Variants in SVIL observed in about 807,000 individuals in gnomAD.
SVIL encodes the protein supervillin.
SVIL carries 101 observed loss-of-function variants against 240.4 expected under a neutral mutation model. The ratio of observed to expected loss-of-function variants is 0.42; its 90% confidence interval spans 0.36 to 0.50. The LOEUF (loss-of-function observed/expected upper bound fraction) is 0.50, where lower values mean the gene tolerates loss of function less well. Ranked by LOEUF, SVIL falls within the 20% of genes least tolerant of loss-of-function variation. The probability of loss-of-function intolerance (pLI) is 0.01; values close to 1 mark genes in which losing one functional copy is unlikely to be tolerated. For missense variants in SVIL, 2,512 were observed against 2,818.7 expected, an observed-to-expected ratio of 0.89 and a Z score of 2.46; for synonymous variants, 999 against 1,100.0, an observed-to-expected ratio of 0.91 and a Z score of 1.82.
chr10:29,692,564 G>A (rs192923199), intron 1 of SVIL, among the ~76,000 whole-genome samples: 24 of 151,278 alleles, frequency 1.6e-4, no homozygotes, highest in African/African-American at 5.6e-4. Flanking sequence ...TGCTACACAC[G>A]GAATACAATA....
intron 13 of SVIL, among the ~76,000 whole-genome samples, chr10:29,525,578 C>A (rs562623329): frequency 1.3e-5 from 2 of 151,952 alleles, no homozygotes; most frequent in Non-Finnish European, 2.9e-5. Context: ...GAAGCCTGGG[C>A]GACAGAGCAA....
intron 4 of SVIL, 26 bp from the exon 5 acceptor site, chr10:29,554,960 A>C: frequency 1.2e-6 from 2 of 1,608,848 alleles, no homozygotes; most frequent in Non-Finnish European, 1.7e-6. Context: ...CAAGAGGCAG[A>C]GTGAGCAACA....
At chr10:29,683,815 C>T (rs1245295522) in intron 2 of SVIL, among the ~76,000 whole-genome samples, 1 of 152,144 alleles carries the variant, frequency 6.6e-6, no homozygotes, top group African/African-American at 2.4e-5. Flanking sequence ...TGGGCTCCCC[C>T]AACTTGCCCC....
At chr10:29,577,666 A>G (rs947104532) in intron 1 of SVIL, among the ~76,000 whole-genome samples, 2 of 152,154 alleles carry the variant, frequency 1.3e-5, no homozygotes, top group South Asian at 2.1e-4. Flanking sequence ...TGTCTTTTTT[A>G]TATAATGACT....
intron 21 of SVIL, among the ~76,000 whole-genome samples, chr10:29,492,482 C>T (rs1192520547): frequency 6.6e-6 from 1 of 152,044 alleles, no homozygotes; most frequent in Non-Finnish European, 1.5e-5. Flanking sequence ...CACTGTTCAG[C>T]GCGTGAGCCA....
chr10:29,663,864 C>T lies in SVIL; in HGVS notation c.-300-5796G>A, dbSNP rs373149167. ...TGAGTGCTGCTGGCAATCAGCACAT[C>T]GGCAACTGCAAGAAGATGCTCACAG... On this transcript the variant is annotated intron_variant, in intron 2 of 35. Transcript: ENST00000375400. Among the ~76,000 whole-genome samples the T allele has an allele frequency of 2.9e-4, 44 of 152,274 alleles. No individual in the cohort carries two copies. In the East Asian group the frequency reaches 8.1e-3, roughly 28 times the overall value.
chr10:29,628,391 A>C (rs758635852), intron 1 of SVIL, among the ~76,000 whole-genome samples: 2 of 152,240 alleles, frequency 1.3e-5, no homozygotes, highest in Non-Finnish European at 2.9e-5. Context: ...TATTTACTTA[A>C]AATTTTGAAA....
At chr10:29,544,092 C>T (rs963071514) in intron 6 of SVIL, among the ~76,000 whole-genome samples, 1 of 152,168 alleles carries the variant, frequency 6.6e-6, no homozygotes, top group African/African-American at 2.4e-5. Flanking sequence ...CTTTAACTCC[C>T]TACAACTCCC....
At position 29,551,182 on chromosome 10, in the gene SVIL, C is replaced by A. The variant is rs1331032235; in HGVS notation, c.242G>T (p.Gly81Val). Reference sequence around the variant, plus strand: ...ACCATAGGGTGAGTCACCGTGGACACCGGAGGTTTCTGTGCAGTATTTGGA... The same window carrying A: ...ACCATAGGGTGAGTCACCGTGGACAACGGAGGTTTCTGTGCAGTATTTGGA... ...TRSKYCTETS[G>V]VHGDSPYGSG... is the part of the protein sequence containing the mutation. Residue 81 changes from glycine to valine, a missense_variant, in exon 6 of 38, where the codon GGT becomes GTT. Coordinates refer to ENST00000355867, the MANE Select transcript of SVIL (RefSeq NM_021738.3). The A allele has an allele frequency of 6.2e-7, 1 of 1,614,008 alleles. No individual in the cohort carries two copies. The highest frequency in any genetic ancestry group is 1.1e-5 in the South Asian group (1 of 91,046).
intron 30 of SVIL, chr10:29,473,530 T>G: frequency 2.5e-6 from 1 of 394,776 alleles, no homozygotes; most frequent in East Asian, 5.5e-5. Context: ...TTTGTTTTAC[T>G]TACAGTGCCT....
intron 1 of SVIL, among the ~76,000 whole-genome samples, chr10:29,601,387 A>G (rs1956805831): frequency 6.6e-6 from 1 of 152,258 alleles, no homozygotes; most frequent in Admixed American, 6.5e-5. Flanking sequence ...AGGGAGAATA[A>G]TGCATTAATG....
chr10:29,712,784 C>A (rs1241189580), intron 1 of SVIL, among the ~76,000 whole-genome samples: 1 of 152,110 alleles, frequency 6.6e-6, no homozygotes, highest in East Asian at 1.9e-4. Context: ...GAGAGGAATG[C>A]GGAAGGTTAG....
intron 1 of SVIL, among the ~76,000 whole-genome samples, chr10:29,700,895 A>C (rs937275188): frequency 3.7e-4 from 57 of 152,106 alleles, no homozygotes; most frequent in African/African-American, 1.3e-3. Flanking sequence ...GAAGCACTGC[A>C]CCTTAGCCCA....
intron 1 of SVIL, among the ~76,000 whole-genome samples, chr10:29,615,913 T>C (rs748722716): frequency 3.0e-4 from 45 of 152,214 alleles, no homozygotes; most frequent in Non-Finnish European, 5.6e-4. Context: ...CTCACATTTA[T>C]TTCAGCCAAG....
chr10:29,501,439 C>A (rs1237777364), intron 17 of SVIL, among the ~76,000 whole-genome samples: 1 of 143,018 alleles, frequency 7.0e-6, no homozygotes, highest in African/African-American at 2.6e-5. Flanking sequence ...GAAGAGAAGG[C>A]AAGAAAGTGG....
Position 29,714,948 on chromosome 10 carries a change from TAAAAAAAAA to T in SVIL, c.-400+20794_-400+20802del, listed in dbSNP as rs61107910. On this transcript the variant is annotated intron_variant, in intron 1 of 35. Coordinates refer to the SVIL transcript ENST00000375400. ...AACAAAGAAAGACCTTGTCTGAAAT[TAAAAAAAAA>T]AAAAAAAAAAGAAGAAAAAGAAAAG... 3.8e-5 allele frequency among the ~76,000 whole-genome samples: 3 copies of T among 78,454 alleles called. No individual in the cohort carries two copies. In the South Asian group the frequency reaches 1.4e-3, roughly 37 times the overall value. 51.5% of individuals were successfully genotyped at this position (78,454 alleles called of 152,430 possible).
In SVIL at chr10:29,551,040, G is replaced by A. The variant is rs768578022; in HGVS notation, c.384C>T (p.Ala128=). 9 of 1,614,088 alleles carry A rather than the reference G, an allele frequency of 5.6e-6. No homozygotes were observed. Among genetic ancestry groups the A allele is most frequent in the Middle Eastern group, 1.6e-4 (1 of 6,062 alleles). The change falls in exon 6 of 38, where the codon GCC becomes GCT. Residue 128 remains alanine (A), a synonymous_variant. Coordinates refer to ENST00000355867, the MANE Select transcript of SVIL (RefSeq NM_021738.3). ...TATAGCGGGATAAATACTCGGAGTC[G>A]GCCTCGGGATCCAGAGTCAGCCCAT... ...EKYGLTLDPE[A]DSEYLSRYTK...
At chr10:29,506,659 A>AGGGGACAGAGGCCCTAGT (rs1949316220) in intron 17 of SVIL, among the ~76,000 whole-genome samples, 1 of 129,138 alleles carries the variant, frequency 7.7e-6, no homozygotes, top group African/African-American at 3.2e-5. Flanking sequence ...GAGGCCCTGG[A>AGGGGACAGAGGCCCTAGT]GGGAGGGGAC....
At chr10:29,647,220 C>T (rs148210390) in intron 3 of SVIL, 4 of 152,336 alleles carry the variant, frequency 2.6e-5, no homozygotes, top group Admixed American at 6.5e-5. Context: ...CCAAAGCTCC[C>T]GATCTCCCAT....
Sources: gnomAD v4.1 joint callset for allele counts (sites outside exome capture counted in the v4.1 genomes callset) on GRCh38, gnomAD v4.1.1 for gene constraint, MANE v1.5 for transcripts, NCBI Gene and HGNC (gene_info 2026-07-23, HGNC 2026-07-21) for gene names.